Variants in ADAMTS4 observed in about 807,000 individuals in gnomAD.
ADAMTS4 encodes A disintegrin and metalloproteinase with thrombospondin motifs 4.
ADAMTS4 carries 38 observed loss-of-function variants against 66.7 expected under a neutral mutation model. That is an observed-to-expected ratio of 0.57 (90% CI 0.44 to 0.75). ADAMTS4 has a LOEUF of 0.75. Ranked by LOEUF, ADAMTS4 falls within the 30% of genes least tolerant of loss-of-function variation. The pLI is 0.00. For synonymous variants in ADAMTS4, 418 were observed against 461.5 expected, an observed-to-expected ratio of 0.91 and a Z score of 1.21; for missense variants, 1,014 against 1,116.7, an observed-to-expected ratio of 0.91 and a Z score of 1.31.
chr1:161,198,473 G>C lies in ADAMTS4; in HGVS notation c.155C>G (p.Ala52Gly). ...CTCCTCCTCCCGGGGGAGGGGGCTGGCCAGCCGGGCTGAGGGCAGGAGAGA... is the reference window on the plus strand; with the variant it reads ...CTCCTCCTCCCGGGGGAGGGGGCTGCCCAGCCGGGCTGAGGGCAGGAGAGA... ...LASLLPSARL[A>G]SPLPREEEIV... Residue 52 changes from alanine (A) to glycine (G), a missense_variant, in exon 1 of 9, where the codon GCC (alanine) becomes GGC (glycine). Transcript: ENST00000367996. This position sits in a 1 kb window ranked among gnomAD's most constrained non-coding sequence, Gnocchi z 4.7. 6.4e-7 allele frequency: 1 copy of C among 1,569,148 alleles called. No homozygotes were observed. The highest frequency in any genetic ancestry group is 8.6e-7 in the Non-Finnish European group (1 of 1,157,478).
In ADAMTS4 at chr1:161,198,784, A is replaced by G. The variant is rs779871178; in HGVS notation, c.-157T>C. 3 of 673,174 alleles carry G rather than the reference A, an allele frequency of 4.5e-6. No individual in the cohort carries two copies. The highest frequency in any genetic ancestry group is 4.7e-6 in the Non-Finnish European group (2 of 423,668). 41.7% of individuals were successfully genotyped at this position (673,174 alleles called of 1,614,324 possible). A position where few individuals can be genotyped will look rare whatever the true frequency, so the allele number is the denominator to read the frequency against. ...GAAGGGCTGAGGACCGTTAAAGGAAATGGAGAAAACTTAGTCCTTGGGCTT... is the reference window on the plus strand; with the variant it reads ...GAAGGGCTGAGGACCGTTAAAGGAAGTGGAGAAAACTTAGTCCTTGGGCTT... On this transcript the variant is annotated 5_prime_UTR_variant, in exon 1 of 9. Transcript: ENST00000367996. The surrounding 1 kb of genome is among the most constrained non-coding windows in gnomAD (Gnocchi z 4.7).
In ADAMTS4 at chr1:161,191,131, A is replaced by G. The variant is rs1176290602; in HGVS notation, c.*7T>C. 6.5e-7 allele frequency: 1 copy of G among 1,535,102 alleles called. No homozygotes were observed. Among genetic ancestry groups the G allele is most frequent in the East Asian group, 2.3e-5 (1 of 44,104 alleles). ...GGTGCCCAGAAAGGGCAGCCGGGAT[A>G]GTGAGGTTATTTCCTGCCCGCCCAG... On this transcript the variant is annotated 3_prime_UTR_variant, in exon 9 of 9. Transcript: ENST00000367996.
Position 161,194,115 on chromosome 1 carries a change from G to A in ADAMTS4, c.1368C>T (p.Asp456=), listed in dbSNP as rs1340877438. 1.9e-6 allele frequency: 3 copies of A among 1,614,240 alleles called. No homozygotes were observed. Among genetic ancestry groups the A allele is most frequent in the Admixed American group, 1.7e-5 (1 of 60,028 alleles). Residue 456 remains aspartate, a synonymous_variant, in exon 5 of 9, where the codon GAC becomes GAT. Transcript: ENST00000367996. The surrounding 1 kb of genome is among the most constrained non-coding windows in gnomAD (Gnocchi z 4.1). ...GCGGCAGCTGTGGACAATGGCGTGAGTCGGGCCCGAAGGTCAGCTGGCACT... is the reference window on the plus strand; with the variant it reads ...GCGGCAGCTGTGGACAATGGCGTGAATCGGGCCCGAAGGTCAGCTGGCACT... ...DRQCQLTFGP[D]SRHCPQLPPP...
Position 161,189,482 on chromosome 1 carries a change from T to C in ADAMTS4, c.*1656A>G, listed in dbSNP as rs1235569421. The C allele has an allele frequency of 6.6e-6, 1 of 152,230 alleles. No individual in the cohort carries two copies. Among genetic ancestry groups the C allele is most frequent in the Non-Finnish European group, 1.5e-5 (1 of 68,044 alleles). The allele number at this position is 152,230 out of a possible 1,614,324, so 9.4% of individuals were successfully genotyped here. On this transcript the variant is annotated 3_prime_UTR_variant, in exon 9 of 9. Coordinates refer to ENST00000367996, the MANE Select transcript of ADAMTS4 (RefSeq NM_005099.6). ...TCCTGCACCTTCATGTTCTTGTCAA[T>C]TGTATTTGTAGCCACGTGCTTACTA...
Position 161,187,178 on chromosome 1 carries a change from G to A in ADAMTS4, c.*3960C>T, listed in dbSNP as rs542687502. The A allele has an allele frequency of 2.0e-5, 3 of 152,206 alleles. No homozygotes were observed. Among genetic ancestry groups the A allele is most frequent in the Non-Finnish European group, 2.9e-5 (2 of 68,040 alleles). The allele number at this position is 152,206 out of a possible 1,614,324, so 9.4% of individuals were successfully genotyped here. A position where few individuals can be genotyped will look rare whatever the true frequency, so the allele number is the denominator to read the frequency against. On this transcript the variant is annotated 3_prime_UTR_variant, in exon 9 of 9. Transcript: ENST00000367996. ...TTACTGTCCCATTGCTTCTGTTTGC[G>A]GGGAAGGTGGAGTGGGAGCAGTATA...
rs115365549 is a variant in ADAMTS4, at chr1:161,196,592, C to T, written c.922G>A (p.Asp308Asn). 1 of 1,614,178 alleles carries T rather than the reference C, an allele frequency of 6.2e-7. No homozygotes were observed. Among genetic ancestry groups the T allele is most frequent in the Non-Finnish European group, 8.5e-7 (1 of 1,180,026 alleles). Residue 308 changes from aspartate to asparagine, a missense_variant, in exon 2 of 9, where the codon GAC becomes AAC. Coordinates refer to ENST00000367996, the MANE Select transcript of ADAMTS4 (RefSeq NM_005099.6). ...GLNTPEDSDPDHFDTAILFTR... is the reference protein window; with the variant it reads ...GLNTPEDSDPNHFDTAILFTR... ...AACAGAATGGCTGTGTCAAAGTGGT[C>T]AGGGTCCGAGTCCTCAGGGGTGTTG...
At position 161,198,361 on chromosome 1, in the gene ADAMTS4, C is replaced by T; in HGVS notation, c.267G>A (p.Gly89=). 1 of 1,613,186 alleles carries T rather than the reference C, an allele frequency of 6.2e-7. No homozygotes were observed. The highest frequency in any genetic ancestry group is 8.5e-7 in the Non-Finnish European group (1 of 1,179,898). ...GCTCCAGCTCTAGTAGCAGCGTCTC[C>T]CCAAAGGCCTGCAAGCGGCACAACA... ...ARLLCRLQAF[G]ETLLLELEQD... Residue 89 remains glycine (G), a synonymous_variant, in exon 1 of 9, where the codon GGG becomes GGA. Coordinates refer to ENST00000367996, the MANE Select transcript of ADAMTS4 (RefSeq NM_005099.6). This position sits in a 1 kb window ranked among gnomAD's most constrained non-coding sequence, Gnocchi z 4.7.
chr1:161,191,061 C>T lies in ADAMTS4; in HGVS notation c.*77G>A. On this transcript the variant is annotated 3_prime_UTR_variant, in exon 9 of 9. Transcript: ENST00000367996. ...CTCCCCACTGAGTCTTAGCATGAGG[C>T]AGCAACAGAAGCTCTCTCTTTCTCC... The T allele has an allele frequency of 6.9e-7, 1 of 1,456,334 alleles. No homozygotes were observed. The highest frequency in any genetic ancestry group is 9.2e-7 in the Non-Finnish European group (1 of 1,092,824). The allele number at this position is 1,456,334 out of a possible 1,614,324, so 90.2% of individuals were successfully genotyped here.
intron 3 of ADAMTS4, 87 bp downstream of exon 3, chr1:161,196,083 TG>T: frequency 6.8e-7 from 1 of 1,478,232 alleles, no homozygotes; most frequent in Non-Finnish European, 9.1e-7. Context: ...AAGAATACCT[TG>T]GGACCCCCAT....
At position 161,193,587 on chromosome 1, in the gene ADAMTS4, C is replaced by T; in HGVS notation, c.1735+53G>A. On this transcript the variant is annotated intron_variant, in intron 6 of 8. Coordinates refer to ENST00000367996, the MANE Select transcript of ADAMTS4 (RefSeq NM_005099.6). This position sits in a 1 kb window ranked among gnomAD's most constrained non-coding sequence, Gnocchi z 4.4. ...CTTGGTCTTGCACTCAAGGGACAGT[C>T]CTTCCTGCTCTACTGTCCCCTCCCA... 1 of 1,561,668 alleles carries T rather than the reference C, an allele frequency of 6.4e-7. No homozygotes were observed. The highest frequency in any genetic ancestry group is 1.4e-5 in the African/African-American group (1 of 73,944).
chr1:161,193,387 G>A lies in ADAMTS4; in HGVS notation c.1737C>T (p.Ala579=). ...CNTEDCPTGS[A]LTFREEQCAA... ...CACACTGCTCCTCGCGGAAGGTCAGGGCTGGAGGGGTAAAACAGTCAGAGC... is the reference window on the plus strand; with the variant it reads ...CACACTGCTCCTCGCGGAAGGTCAGAGCTGGAGGGGTAAAACAGTCAGAGC... Residue 579 remains alanine (A), a splice_region_variant and synonymous_variant, in exon 7 of 9, where the codon GCC becomes GCT. Coordinates refer to ENST00000367996, the MANE Select transcript of ADAMTS4 (RefSeq NM_005099.6). This position sits in a 1 kb window ranked among gnomAD's most constrained non-coding sequence, Gnocchi z 4.4. 2 of 1,612,986 alleles carry A rather than the reference G, an allele frequency of 1.2e-6. No homozygotes were observed. The highest frequency in any genetic ancestry group is 1.7e-6 in the Non-Finnish European group (2 of 1,179,458).
chr1:161,190,912 G>T lies in ADAMTS4; in HGVS notation c.*226C>A. 1 of 493,122 alleles carries T rather than the reference G, an allele frequency of 2.0e-6. No homozygotes were observed. Among genetic ancestry groups the T allele is most frequent in the East Asian group, 3.1e-5 (1 of 32,328 alleles). The allele number at this position is 493,122 out of a possible 1,614,324, so 30.5% of individuals were successfully genotyped here. ...GCAGGGCAGAGGGGGCAGTTTAGATGGAGGGCTGTCTGTCAGCCCCTTCCA... is the reference window on the plus strand; with the variant it reads ...GCAGGGCAGAGGGGGCAGTTTAGATTGAGGGCTGTCTGTCAGCCCCTTCCA... On this transcript the variant is annotated 3_prime_UTR_variant, in exon 9 of 9. Transcript: ENST00000367996.
rs1402994293 is a variant in ADAMTS4 at position 161,187,190 on chromosome 1, G to C, written c.*3948C>G. 6.6e-6 allele frequency: 1 copy of C among 152,194 alleles called. No individual in the cohort carries two copies. The highest frequency in any genetic ancestry group is 1.5e-5 in the Non-Finnish European group (1 of 68,060). The allele number at this position is 152,194 out of a possible 1,614,324, so 9.4% of individuals were successfully genotyped here. The stretch of plus-strand genomic sequence containing the variant: ...TGCTTCTGTTTGCGGGGAAGGTGGA[G>C]TGGGAGCAGTATACAACCTCCCCTG... On this transcript the variant is annotated 3_prime_UTR_variant, in exon 9 of 9. Coordinates refer to ENST00000367996, the MANE Select transcript of ADAMTS4 (RefSeq NM_005099.6).
intron 3 of ADAMTS4, 100 bp from the exon 4 acceptor site, chr1:161,195,735 T>C: frequency 1.7e-6 from 2 of 1,195,728 alleles, no homozygotes; most frequent in Non-Finnish European, 2.4e-6. Context: ...ATCAGATCCA[T>C]TACCCACCTC....
At position 161,188,708 on chromosome 1, in the gene ADAMTS4, T is replaced by C. The variant is rs1460130054; in HGVS notation, c.*2430A>G. 1 of 150,370 alleles carries C rather than the reference T, an allele frequency of 6.7e-6. No homozygotes were observed. The allele number at this position is 150,370 out of a possible 1,614,324, so 9.3% of individuals were successfully genotyped here. A position where few individuals can be genotyped will look rare whatever the true frequency, so the allele number is the denominator to read the frequency against. On this transcript the variant is annotated 3_prime_UTR_variant, in exon 9 of 9. Coordinates refer to ENST00000367996, the MANE Select transcript of ADAMTS4 (RefSeq NM_005099.6). The stretch of plus-strand genomic sequence containing the variant: ...TTCTTGCCTATTTCCTGCCAAACCA[T>C]ATCCTGTTTTTGTTTTTGTTTTTGT...
chr1:161,197,932 A>G, intron 1 of ADAMTS4, 63 bp downstream of exon 1: 1 of 1,510,838 alleles, frequency 6.6e-7, no homozygotes, highest in Non-Finnish European at 8.9e-7. Context: ...GAGGGTGAAT[A>G]GGGGTCAGTA....
Position 161,198,407 on chromosome 1 carries a change from C to T in ADAMTS4, c.221G>A (p.Gly74Asp), listed in dbSNP as rs748250685. ...PEKLNGSVLPGSGAPARLLCR... is the reference protein window; with the variant it reads ...PEKLNGSVLPDSGAPARLLCR... Reference sequence around the variant, plus strand: ...CAACAGCCTGGCAGGGGCGCCCGAGCCAGGCAGGACGCTGCCGTTGAGCTT... The same window carrying T: ...CAACAGCCTGGCAGGGGCGCCCGAGTCAGGCAGGACGCTGCCGTTGAGCTT... Residue 74 changes from glycine to aspartate, a missense_variant, in exon 1 of 9, where the codon GGC becomes GAC. Transcript: ENST00000367996. The surrounding 1 kb of genome is among the most constrained non-coding windows in gnomAD (Gnocchi z 4.7). 5.0e-6 allele frequency: 8 copies of T among 1,605,992 alleles called. No homozygotes were observed. The highest frequency in any genetic ancestry group is 5.9e-6 in the Non-Finnish European group (7 of 1,176,766).
At position 161,198,603 on chromosome 1, in the gene ADAMTS4, C is replaced by T. The variant is rs370465021; in HGVS notation, c.25G>A (p.Gly9Arg). 2.4e-4 allele frequency: 370 copies of T among 1,536,610 alleles called. No homozygotes were observed. Among genetic ancestry groups the T allele is most frequent in the Non-Finnish European group, 2.9e-4 (333 of 1,139,172 alleles). ...AGCCAGCGCCCTGCCAAGCCCCTCCCGGGATGCGAGCCTGTCTGGGACATG... is the reference window on the plus strand; with the variant it reads ...AGCCAGCGCCCTGCCAAGCCCCTCCTGGGATGCGAGCCTGTCTGGGACATG... MSQTGSHP[G>R]RGLAGRWLWG... Residue 9 changes from glycine to arginine, a missense_variant, in exon 1 of 9, where the codon GGG becomes AGG. By Grantham distance (125) the Gly-to-Arg change is moderately radical. Coordinates refer to ENST00000367996, the MANE Select transcript of ADAMTS4 (RefSeq NM_005099.6). The surrounding 1 kb of genome is among the most constrained non-coding windows in gnomAD (Gnocchi z 4.7).
Position 161,198,880 on chromosome 1 carries a change from C to T in ADAMTS4, c.-253G>A, listed in dbSNP as rs1664990246. ...GCCCTCCTTTCCTGGATCTTTGTCT[C>T]TCCCTGCCTGTGTCTTCTGCAGCTT... On this transcript the variant is annotated 5_prime_UTR_variant, in exon 1 of 9. Coordinates refer to ENST00000367996, the MANE Select transcript of ADAMTS4 (RefSeq NM_005099.6). This position sits in a 1 kb window ranked among gnomAD's most constrained non-coding sequence, Gnocchi z 4.7. 4.5e-6 allele frequency: 2 copies of T among 443,006 alleles called. No homozygotes were observed. Among genetic ancestry groups the T allele is most frequent in the African/African-American group, 2.0e-5 (1 of 50,270 alleles). The allele number at this position is 443,006 out of a possible 1,614,324, so 27.4% of individuals were successfully genotyped here. A position where few individuals can be genotyped will look rare whatever the true frequency, so the allele number is the denominator to read the frequency against.
Sources: gnomAD v4.1 joint callset for allele counts on GRCh38, gnomAD v4.1.1 for gene constraint, Gnocchi (gnomAD v3.1) non-coding constraint, MANE v1.5 for transcripts, NCBI Gene and HGNC (gene_info 2026-07-23, HGNC 2026-07-21) for gene names.